PKNOX2: variants seen among roughly 807,000 people sequenced by gnomAD.
The protein encoded by PKNOX2 is homeobox protein PKNOX2.
A neutral mutation model predicts 53.1 loss-of-function variants in PKNOX2; 14 were observed. The observed-to-expected ratio is 0.26, with a 90% CI of 0.17 to 0.41. The LOEUF (loss-of-function observed/expected upper bound fraction) is 0.41. Among genes scored for constraint, PKNOX2 ranks in the 10% least tolerant of loss-of-function variants. PKNOX2 has a pLI of 1.00. For synonymous variants in PKNOX2, 257 were observed against 242.8 expected (o/e 1.06, Z -0.54); for missense variants, 496 against 602.8 (o/e 0.82, Z 1.85).
chr11:125,165,300 G>C lies in PKNOX2; in HGVS notation c.-201+524G>C, dbSNP rs1218472618. ...GAGCTGTGCGCCAGGAGCGCCAGGG[G>C]ACCCGAGAATAGGAACAGGCACGCC... On this transcript the variant is annotated intron_variant, in intron 1 of 12. Transcript: ENST00000298282. The surrounding 1 kb of genome is among the most constrained non-coding windows in gnomAD (Gnocchi z 4.5). 6.6e-6 allele frequency among the ~76,000 whole-genome samples: 1 copy of C among 152,084 alleles called. No individual in the cohort carries two copies. The highest frequency in any genetic ancestry group is 1.5e-5 in the Non-Finnish European group (1 of 67,996).
At chr11:125,286,743 G>A (rs1379699825) in intron 2 of PKNOX2, among the ~76,000 whole-genome samples, 1 of 152,256 alleles carries the variant, frequency 6.6e-6, no homozygotes, top group Non-Finnish European at 1.5e-5. Context: ...TTGTGAATCT[G>A]GGCTTGGGTT....
intron 1 of PKNOX2, among the ~76,000 whole-genome samples, chr11:125,174,458 A>G (rs2135217376): frequency 6.6e-6 from 1 of 152,310 alleles, no homozygotes; most frequent in Non-Finnish European, 1.5e-5. Context: ...CTCATTTTAT[A>G]CAATGAGCAG....
At chr11:125,259,088 G>C (rs1944632936) in intron 2 of PKNOX2, 1 of 161,690 alleles carries the variant, frequency 6.2e-6, no homozygotes, top group South Asian at 1.5e-4. Flanking sequence ...ACCACATCCA[G>C]AGTATTCATT....
At chr11:125,193,575 C>T (rs1957004379) in intron 1 of PKNOX2, among the ~76,000 whole-genome samples, 1 of 152,174 alleles carries the variant, frequency 6.6e-6, no homozygotes, top group Non-Finnish European at 1.5e-5. Flanking sequence ...AAATACAGAG[C>T]CACTCTTCCT....
rs1056138139 is a variant in PKNOX2 at position 125,166,214 on chromosome 11, G to A, written c.-201+1438G>A. Among the ~76,000 whole-genome samples the A allele has an allele frequency of 2.6e-5, 4 of 152,150 alleles. No homozygotes were observed. The highest frequency in any genetic ancestry group is 4.4e-5 in the Non-Finnish European group (3 of 68,038). ...TGGCGTTTTTAGGATTCAGTAACAG[G>A]ATCACAGCTTTTTCTTGTGGTGGAA... On this transcript the variant is annotated intron_variant, in intron 1 of 12. Transcript: ENST00000298282. The surrounding 1 kb of genome is among the most constrained non-coding windows in gnomAD (Gnocchi z 4.0).
chr11:125,214,116 G>T (rs1489839526), intron 1 of PKNOX2, among the ~76,000 whole-genome samples: 1 of 152,102 alleles, frequency 6.6e-6, no homozygotes, highest in African/African-American at 2.4e-5. Context: ...TTAGCAAATT[G>T]TATCATGGGG....
intron 1 of PKNOX2, among the ~76,000 whole-genome samples, chr11:125,195,384 C>A (rs1013346303): frequency 6.6e-6 from 1 of 152,002 alleles, no homozygotes; most frequent in African/African-American, 2.4e-5. Context: ...TATTATAAAA[C>A]GAAAAGTTTT....
chr11:125,242,345 A>G (rs1309163391), intron 2 of PKNOX2, among the ~76,000 whole-genome samples: 1 of 152,068 alleles, frequency 6.6e-6, no homozygotes, highest in Non-Finnish European at 1.5e-5. Flanking sequence ...TCCCCTCTTC[A>G]TACCCCCACC....
chr11:125,380,091 T>C lies in PKNOX2; in HGVS notation c.228-5460T>C, dbSNP rs551337567. ...ATCTCTTCTTCCCCTCTCCCTGAGC[T>C]GAGCTGCGTCTCCCTCCTGCCTGCC... is the stretch of plus-strand genomic sequence containing the variant. On this transcript the variant is annotated intron_variant, in intron 5 of 12. Transcript: ENST00000298282. Among the ~76,000 whole-genome samples the C allele has an allele frequency of 3.9e-5, 6 of 152,304 alleles. No homozygotes were observed. In the East Asian group the frequency reaches 9.7e-4, roughly 25 times the overall value.
intron 2 of PKNOX2, among the ~76,000 whole-genome samples, chr11:125,300,878 A>T (rs1948016827): frequency 6.6e-6 from 1 of 152,200 alleles, no homozygotes; most frequent in African/African-American, 2.4e-5. Flanking sequence ...CAGGCATTTA[A>T]TATTTTTTAG....
chr11:125,241,997 G>A (rs1037438162), intron 2 of PKNOX2, among the ~76,000 whole-genome samples: 3 of 152,206 alleles, frequency 2.0e-5, no homozygotes, highest in African/African-American at 7.2e-5. Flanking sequence ...GGATGGTGAA[G>A]GTGGAGGGGG....
At chr11:125,340,467 T>A (rs532205609) in intron 3 of PKNOX2, among the ~76,000 whole-genome samples, 41 of 152,240 alleles carry the variant, frequency 2.7e-4, no homozygotes, top group African/African-American at 9.1e-4. Flanking sequence ...GTGTGTAACA[T>A]CTGGAAACTT....
At chr11:125,252,621 T>C (rs1419438318) in intron 2 of PKNOX2, among the ~76,000 whole-genome samples, 2 of 152,098 alleles carry the variant, frequency 1.3e-5, no homozygotes, top group Non-Finnish European at 2.9e-5. Context: ...TCTAGGTTTC[T>C]GGTTTGGGCA....
chr11:125,426,916 G>GA (rs1193697707), intron 10 of PKNOX2, among the ~76,000 whole-genome samples: 2 of 152,228 alleles, frequency 1.3e-5, no homozygotes. Context: ...GCTGTGATCT[G>GA]TGGCAGGCCC....
chr11:125,347,030 C>T (rs980910761), intron 3 of PKNOX2, among the ~76,000 whole-genome samples: 14 of 152,220 alleles, frequency 9.2e-5, no homozygotes, highest in African/African-American at 3.4e-4. Context: ...CTCACTTCCC[C>T]GGGGCTGAGA....
intron 2 of PKNOX2, among the ~76,000 whole-genome samples, chr11:125,324,115 T>G (rs1351999361): frequency 6.6e-6 from 1 of 152,074 alleles, no homozygotes; most frequent in African/African-American, 2.4e-5. Context: ...AGAAGAAGAA[T>G]TCTTCTTGTT....
chr11:125,359,499 C>T (rs974936991), intron 4 of PKNOX2, among the ~76,000 whole-genome samples: 5 of 152,226 alleles, frequency 3.3e-5, no homozygotes, highest in Admixed American at 1.3e-4. Context: ...TACTCCAACT[C>T]GCCTGAGCAG....
chr11:125,302,930 C>T (rs1948174571), intron 2 of PKNOX2, among the ~76,000 whole-genome samples: 1 of 152,230 alleles, frequency 6.6e-6, no homozygotes. Context: ...CTCGCTGCTC[C>T]ACACAGTGGA....
chr11:125,311,924 T>C (rs1444951297), intron 2 of PKNOX2, among the ~76,000 whole-genome samples: 1 of 152,208 alleles, frequency 6.6e-6, no homozygotes, highest in Non-Finnish European at 1.5e-5. Flanking sequence ...AATTTGCTCT[T>C]GAACCCGGGA....
Sources: allele counts gnomAD v4.1 joint callset (sites outside exome capture counted in the v4.1 genomes callset), GRCh38; gene constraint gnomAD v4.1.1; non-coding constraint Gnocchi (gnomAD v3.1); transcripts MANE v1.5; gene names NCBI Gene and HGNC (gene_info 2026-07-23, HGNC 2026-07-21).